NTM: variants seen among roughly 807,000 people sequenced by gnomAD.
The protein encoded by NTM is neurotrimin, also known as IgLON family member 2.
In NTM, 13 loss-of-function variants were observed where a neutral mutation model predicts 42.1. The ratio of observed to expected loss-of-function variants is 0.31; its 90% CI spans 0.20 to 0.49. The LOEUF is 0.49. Among genes scored for constraint, NTM ranks in the 20% least tolerant of loss-of-function variants. The pLI is 0.99. For synonymous variants in NTM, 187 were observed against 179.2 expected, an observed-to-expected ratio of 1.04 and a Z score of -0.35; for missense variants, 373 against 452.8, an observed-to-expected ratio of 0.82 and a Z score of 1.60.
chr11:132,126,614 T>C (rs1203727222), intron 2 of NTM, among the ~76,000 whole-genome samples: 1 of 151,856 alleles, frequency 6.6e-6, no homozygotes, highest in African/African-American at 2.4e-5. Context: ...TACTTTTATT[T>C]CTCCCAAGAG....
intron 1 of NTM, among the ~76,000 whole-genome samples, chr11:131,376,538 C>T (rs1941996792): frequency 6.6e-6 from 1 of 152,124 alleles, no homozygotes; most frequent in Admixed American, 6.5e-5. Flanking sequence ...CAAAACAAAC[C>T]AACAAAGATT....
chr11:131,852,937 T>TCCAC (rs1160126317), intron 1 of NTM, among the ~76,000 whole-genome samples: 2 of 142,588 alleles, frequency 1.4e-5, no homozygotes, highest in South Asian at 5.1e-4. Flanking sequence ...CATCCATCCA[T>TCCAC]CCACCCACCC....
intron 1 of NTM, chr11:131,910,982 C>T (rs2054792503): frequency 2.0e-6 from 2 of 997,690 alleles, no homozygotes; most frequent in Non-Finnish European, 2.4e-6. Flanking sequence ...GATTGTTTTC[C>T]GGTGGCGAGC....
At chr11:131,621,849 C>A (rs1487656594) in intron 1 of NTM, among the ~76,000 whole-genome samples, 3 of 145,864 alleles carry the variant, frequency 2.1e-5, no homozygotes, top group Non-Finnish European at 4.5e-5. Flanking sequence ...AAAAAGGAAG[C>A]TACAGACAAG....
At chr11:131,538,491 C>G (rs964049064) in intron 1 of NTM, 3 of 152,262 alleles carry the variant, frequency 2.0e-5, no homozygotes, top group Non-Finnish European at 2.9e-5. Context: ...AAGACGCTAT[C>G]CACTACCTGC....
chr11:131,432,891 TTTG>T (rs1427133170), intron 1 of NTM, among the ~76,000 whole-genome samples: 3 of 132,410 alleles, frequency 2.3e-5, no homozygotes, highest in Non-Finnish European at 3.1e-5. Flanking sequence ...TCTCACTCTG[TTTG>T]CCCAGGCTGG....
chr11:131,382,102 A>G (rs937592331), intron 1 of NTM, among the ~76,000 whole-genome samples: 15 of 152,244 alleles, frequency 9.9e-5, no homozygotes, highest in Admixed American at 2.6e-4. Context: ...AAAATACTCA[A>G]CTTCCAGATT....
At chr11:131,828,104 A>G (rs1382934660) in intron 1 of NTM, among the ~76,000 whole-genome samples, 2 of 151,902 alleles carry the variant, frequency 1.3e-5, no homozygotes, top group Non-Finnish European at 2.9e-5. Context: ...CTACCTGCCA[A>G]ATTTTCCTTA....
intron 1 of NTM, among the ~76,000 whole-genome samples, chr11:131,649,220 C>A (rs1481091324): frequency 6.6e-6 from 1 of 152,176 alleles, no homozygotes; most frequent in Non-Finnish European, 1.5e-5. Context: ...AAACACTGTG[C>A]GTGGCACCCA....
intron 1 of NTM, among the ~76,000 whole-genome samples, chr11:131,751,650 C>T (rs966105673): frequency 5.3e-5 from 8 of 151,928 alleles, no homozygotes; most frequent in Non-Finnish European, 7.4e-5. Context: ...GTCCTAGCTA[C>T]TCGAGAGGCT....
At chr11:131,403,142 C>G (rs560929649) in intron 1 of NTM, among the ~76,000 whole-genome samples, 1 of 152,178 alleles carries the variant, frequency 6.6e-6, no homozygotes, top group Non-Finnish European at 1.5e-5. Flanking sequence ...AGAGGAGACA[C>G]CGTTTACTTA....
intron 1 of NTM, among the ~76,000 whole-genome samples, chr11:131,401,246 C>A (rs1945102574): frequency 6.6e-6 from 1 of 152,138 alleles, no homozygotes; most frequent in East Asian, 1.9e-4. Context: ...TCTAGCTCAT[C>A]CCACCAGAGG....
chr11:131,836,557 T>C (rs530813308), intron 1 of NTM, among the ~76,000 whole-genome samples: 12 of 152,314 alleles, frequency 7.9e-5, no homozygotes, highest in African/African-American at 2.6e-4. Flanking sequence ...GTATGCAATT[T>C]ATTTGAGCCT....
intron 2 of NTM, among the ~76,000 whole-genome samples, chr11:132,044,174 A>G (rs12797726): frequency 0.43 from 53,948 of 126,462 alleles, 12,628 homozygotes; most frequent in East Asian, 0.77. Flanking sequence ...GCTTATGTGC[A>G]TGTGTATGTG....
Position 131,881,573 on chromosome 11 carries a change from C to T in NTM, c.83-29991C>T, listed in dbSNP as rs192913864. Among the ~76,000 whole-genome samples the T allele has an allele frequency of 6.6e-5, 10 of 151,396 alleles. 1 individual carries two copies. Among genetic ancestry groups the T allele is most frequent in the South Asian group, 6.3e-4 (3 of 4,788 alleles). The stretch of plus-strand genomic sequence containing the variant: ...GTGGACACCAGCATGCAAAACACAG[C>T]GGAAAAAGTGCACAGACAGAAAGAG... On this transcript the variant is annotated intron_variant, in intron 1 of 8. Coordinates refer to ENST00000683400, the MANE Select transcript of NTM (RefSeq NM_001352005.2).
intron 2 of NTM, among the ~76,000 whole-genome samples, chr11:131,967,163 G>C (rs1054202620): frequency 6.6e-6 from 1 of 152,234 alleles, no homozygotes; most frequent in African/African-American, 2.4e-5. Context: ...GAATATAAAA[G>C]AGGCTGGCAC....
chr11:131,411,980 T>C (rs1032907883), intron 1 of NTM, among the ~76,000 whole-genome samples: 3 of 152,192 alleles, frequency 2.0e-5, no homozygotes, highest in Non-Finnish European at 4.4e-5. Flanking sequence ...CCCTCTGTTC[T>C]CAAGCCTGGG....
chr11:132,085,952 C>T (rs538366423), intron 2 of NTM, among the ~76,000 whole-genome samples: 1 of 152,092 alleles, frequency 6.6e-6, no homozygotes, highest in South Asian at 2.1e-4. Context: ...AAATGGAATC[C>T]ACGGTGCCTT....
intron 3 of NTM, among the ~76,000 whole-genome samples, chr11:132,198,768 A>G (rs1459166220): frequency 1.3e-5 from 2 of 152,192 alleles, no homozygotes; most frequent in Non-Finnish European, 2.9e-5. Context: ...TAGAGAGAAG[A>G]CTAGAAGATA....
Sources: allele counts gnomAD v4.1 joint callset (sites outside exome capture counted in the v4.1 genomes callset), GRCh38; gene constraint gnomAD v4.1.1; transcripts MANE v1.5; gene names NCBI Gene and HGNC (gene_info 2026-07-23, HGNC 2026-07-21).